Variants in TMPRSS13 observed in about 807,000 individuals in gnomAD.
TMPRSS13 encodes the protein transmembrane protease serine 13.
Under a neutral mutation model 68.4 loss-of-function variants are expected in TMPRSS13, and 50 were observed. The ratio of observed to expected loss-of-function variants is 0.73; its 90% CI spans 0.58 to 0.93. TMPRSS13 has a LOEUF of 0.93. Among genes scored for constraint, TMPRSS13 ranks in the 40% least tolerant of loss-of-function variants. TMPRSS13 has a pLI of 0.00. For missense variants in TMPRSS13, 615 were observed against 729.2 expected (o/e 0.84, Z 1.80); for synonymous variants, 267 against 285.8 (o/e 0.93, Z 0.66).
At position 117,901,462 on chromosome 11, in the gene TMPRSS13, TACG is replaced by T. The variant is rs1363899163; in HGVS notation, c.*774_*776del. On this transcript the variant is annotated 3_prime_UTR_variant, in exon 13 of 13. Coordinates refer to ENST00000524993, the MANE Select transcript of TMPRSS13 (RefSeq NM_001077263.3). Reference sequence around the variant, plus strand: ...AGAAATATTCTGTAGGACTCTAAAATACGACATTTCCCATGAATCCCCTGGGGG... The same window carrying T: ...AGAAATATTCTGTAGGACTCTAAAATACATTTCCCATGAATCCCCTGGGGG... 4 of 152,532 alleles carry T rather than the reference TACG, an allele frequency of 2.6e-5. No individual in the cohort carries two copies. In the East Asian group the frequency reaches 5.8e-4, roughly 22 times the overall value. The allele number at this position is 152,532 out of a possible 1,614,324, so 9.4% of individuals were successfully genotyped here. A position where few individuals can be genotyped will look rare whatever the true frequency, so the allele number is the denominator to read the frequency against.
At chr11:117,921,196 G>A (rs2057643003) in intron 1 of TMPRSS13, among the ~76,000 whole-genome samples, 1 of 152,132 alleles carries the variant, frequency 6.6e-6, no homozygotes, top group Admixed American at 6.6e-5. Context: ...GGCCTGCTTG[G>A]AGCAAGGAGG....
Position 117,903,798 on chromosome 11 carries a change from C to A in TMPRSS13, c.1534G>T (p.Gly512Trp). The A allele has an allele frequency of 6.2e-7, 1 of 1,610,338 alleles. No individual in the cohort carries two copies. Among genetic ancestry groups the A allele is most frequent in the Non-Finnish European group, 8.5e-7 (1 of 1,178,374 alleles). ...TTCTGCTCACAGACAAGAGGCCCCC[C>A]GCTGTCTCCCTGCAGGGGAGAGGGG... ...GGRDSCQGDS[G>W]GPLVCEQNNR... Residue 512 changes from glycine to tryptophan, a missense_variant, in exon 12 of 13, where the codon GGG (glycine) becomes TGG (tryptophan). By Grantham distance (184) the Gly-to-Trp change is radical (BLOSUM62 -2). Transcript: ENST00000524993.
chr11:117,921,810 G>T (rs2057651470), intron 1 of TMPRSS13, among the ~76,000 whole-genome samples: 1 of 152,136 alleles, frequency 6.6e-6, no homozygotes, highest in Non-Finnish European at 1.5e-5. Flanking sequence ...GAGAGTTCTG[G>T]AGCCTCAAGA....
At chr11:117,910,350 C>T (rs1487331229) in intron 7 of TMPRSS13, among the ~76,000 whole-genome samples, 1 of 152,176 alleles carries the variant, frequency 6.6e-6, no homozygotes, top group Non-Finnish European at 1.5e-5. Context: ...CCATTAGGTG[C>T]ACAGGAATGC....
intron 8 of TMPRSS13, among the ~76,000 whole-genome samples, chr11:117,909,423 A>T (rs1347997783): frequency 1.3e-5 from 2 of 152,208 alleles, no homozygotes; most frequent in East Asian, 3.8e-4. Context: ...CCCTGCCTGC[A>T]ATCCCTAACC....
Position 117,903,654 on chromosome 11 carries a change from C to T in TMPRSS13, c.1677+1G>A. On this transcript the variant is annotated splice_donor_variant, in intron 12 of 12. Transcript: ENST00000524993. LOFTEE classifies it high-confidence loss of function. ...GCAGTGTCCTGCTGCAGGGATCTTA[C>T]CTCCATCTTGCTGTAAATCCAGGGA... 1.9e-6 allele frequency: 3 copies of T among 1,614,194 alleles called. No individual in the cohort carries two copies. The highest frequency in any genetic ancestry group is 1.1e-5 in the South Asian group (1 of 91,062).
chr11:117,908,314 T>A (rs2057483772), intron 9 of TMPRSS13: 1 of 585,886 alleles, frequency 1.7e-6, no homozygotes, highest in Non-Finnish European at 3.0e-6. Flanking sequence ...AGGTGCTCAG[T>A]TAATACCAGT....
rs200658665 is a variant in TMPRSS13 at position 117,913,890 on chromosome 11, G to A, written c.696C>T (p.Asp232=). 1.7e-3 allele frequency: 2,812 copies of A among 1,613,932 alleles called. 6 individuals carry two copies. The highest frequency in any genetic ancestry group is 2.2e-3 in the Non-Finnish European group (2,600 of 1,179,976). The change falls in exon 5 of 13, where the codon GAC becomes GAT. Residue 232 remains aspartate (D), a synonymous_variant. Coordinates refer to ENST00000524993, the MANE Select transcript of TMPRSS13 (RefSeq NM_001077263.3). Reference sequence around the variant, plus strand: ...CAGAGTAGATTTTAAGCAGAGACTTGTCCCAGTCAAACCTCACTGCAGGGC... The same window carrying A: ...CAGAGTAGATTTTAAGCAGAGACTTATCCCAGTCAAACCTCACTGCAGGGC... ...DELGCVRFDW[D]KSLLKIYSGS...
intron 1 of TMPRSS13, among the ~76,000 whole-genome samples, chr11:117,924,759 T>G (rs2057687095): frequency 6.6e-6 from 1 of 152,100 alleles, no homozygotes; most frequent in African/African-American, 2.4e-5. Context: ...CCCAAGGCCC[T>G]TTCCTACTCT....
At chr11:117,919,061 T>C (rs1173837551) in intron 1 of TMPRSS13, among the ~76,000 whole-genome samples, 3 of 152,158 alleles carry the variant, frequency 2.0e-5, no homozygotes, top group Admixed American at 2.0e-4. Context: ...CCCTGCCACA[T>C]AGGACCTGCA....
At chr11:117,928,534 TA>T (rs997029221) in intron 1 of TMPRSS13, among the ~76,000 whole-genome samples, 1 of 152,006 alleles carries the variant, frequency 6.6e-6, no homozygotes, top group African/African-American at 2.4e-5. Flanking sequence ...AAACAAGACC[TA>T]AAGGAGAAAT....
intron 6 of TMPRSS13, among the ~76,000 whole-genome samples, chr11:117,911,507 T>C (rs2057523151): frequency 6.6e-6 from 1 of 152,164 alleles, no homozygotes; most frequent in African/African-American, 2.4e-5. Flanking sequence ...GTTCATGAAT[T>C]GCCTCTGACG....
At chr11:117,924,420 C>T (rs1364328204) in intron 1 of TMPRSS13, among the ~76,000 whole-genome samples, 1 of 152,120 alleles carries the variant, frequency 6.6e-6, no homozygotes, top group Non-Finnish European at 1.5e-5. Flanking sequence ...CAGAGGCCCC[C>T]GTGGCAGCGT....
At position 117,911,794 on chromosome 11, in the gene TMPRSS13, G is replaced by T; in HGVS notation, c.876C>A (p.Asn292Lys). 6.2e-7 allele frequency: 1 copy of T among 1,614,106 alleles called. No homozygotes were observed. The highest frequency in any genetic ancestry group is 8.5e-7 in the Non-Finnish European group (1 of 1,180,012). ...TGTGGAGGCTTTCCTGGATGGTGGA[G>T]TTGTATCTCAAGATTGAGAAGCTGT... ...FANSFSILRYNSTIQESLHRS... is the reference protein window; with the variant it reads ...FANSFSILRYKSTIQESLHRS... Residue 292 changes from asparagine to lysine, a missense_variant, in exon 6 of 13, where the codon AAC becomes AAA. Transcript: ENST00000524993.
At chr11:117,926,375 G>A (rs897315654) in intron 1 of TMPRSS13, among the ~76,000 whole-genome samples, 11 of 152,150 alleles carry the variant, frequency 7.2e-5, no homozygotes, top group East Asian at 3.9e-4. Context: ...GACTTGACCC[G>A]CGGGTGAGCC....
At chr11:117,910,523 G>C in intron 7 of TMPRSS13, 184 bp downstream of exon 7, 2 of 549,128 alleles carry the variant, frequency 3.6e-6, no homozygotes, top group South Asian at 3.1e-5. Flanking sequence ...TCAGGAGAAG[G>C]GGAAATGTTA....
chr11:117,925,552 G>A (rs540678394), intron 1 of TMPRSS13, among the ~76,000 whole-genome samples: 38 of 152,060 alleles, frequency 2.5e-4, no homozygotes, highest in African/African-American at 7.7e-4. Flanking sequence ...CTAGGGTAGT[G>A]ACACACTCAG....
chr11:117,903,554 G>A (rs781070693), intron 12 of TMPRSS13, 101 bp downstream of exon 12: 74 of 1,587,102 alleles, frequency 4.7e-5, no homozygotes, highest in Admixed American at 1.3e-4. Context: ...ATATGGGGAC[G>A]CTGAGGGGAC....
chr11:117,907,116 G>T (rs1040296672), intron 9 of TMPRSS13, among the ~76,000 whole-genome samples: 1 of 152,152 alleles, frequency 6.6e-6, no homozygotes, highest in Non-Finnish European at 1.5e-5. Context: ...TAATATTAAG[G>T]GGTGGAGGGT....
Sources: allele counts gnomAD v4.1 joint callset (sites outside exome capture counted in the v4.1 genomes callset), GRCh38; gene constraint gnomAD v4.1.1; transcripts MANE v1.5; gene names NCBI Gene and HGNC (gene_info 2026-07-23, HGNC 2026-07-21).